Variants in ZFAND4 observed in about 807,000 individuals in gnomAD.
ZFAND4 encodes zinc finger AN1-type containing 4, also known as AN1-type zinc finger protein 4.
Under a neutral mutation model 64.4 loss-of-function variants are expected in ZFAND4, and 43 were observed. That is an observed-to-expected ratio of 0.67 (90% CI 0.52 to 0.86). The LOEUF (loss-of-function observed/expected upper bound fraction) is 0.86. ZFAND4 is among the 40% of genes least tolerant of loss of function. ZFAND4 has a pLI of 0.00. For missense variants in ZFAND4, 929 were observed against 859.8 expected (o/e 1.08, Z -1.01); for synonymous variants, 296 against 305.7 (o/e 0.97, Z 0.33).
At chr10:45,625,176 CAA>C (rs71023137) in intron 7 of ZFAND4, among the ~76,000 whole-genome samples, 36 of 103,882 alleles carry the variant, frequency 3.5e-4, no homozygotes, top group Admixed American at 4.1e-4. Context: ...GACCCTGTCT[CAA>C]AAAAAAAAAA....
At chr10:45,630,322 G>C (rs1033541797) in intron 6 of ZFAND4, among the ~76,000 whole-genome samples, 1 of 152,130 alleles carries the variant, frequency 6.6e-6, no homozygotes, top group African/African-American at 2.4e-5. Context: ...CGAAATGAGA[G>C]CTGAGCAAAC....
rs578161915 is a variant in ZFAND4 at position 45,644,467 on chromosome 10, T to C, written c.569+3827A>G. Among the ~76,000 whole-genome samples, 108 of 152,202 alleles carry C rather than the reference T, an allele frequency of 7.1e-4. 1 individual carries two copies. Among genetic ancestry groups the C allele is most frequent in the Non-Finnish European group, 1.2e-3 (84 of 68,016 alleles). ...AATATCTCATCACAGCAGAATTTCT[T>C]TACACAAATAAAAAATGAAAATGAA... On this transcript the variant is annotated intron_variant, in intron 5 of 9. Coordinates refer to ENST00000344646, the MANE Select transcript of ZFAND4 (RefSeq NM_174890.4).
chr10:45,640,060 G>A (rs962207978), intron 5 of ZFAND4, 97 bp from the exon 6 acceptor site: 1 of 1,374,046 alleles, frequency 7.3e-7, no homozygotes, highest in African/African-American at 1.5e-5. Context: ...AGTTACTAAT[G>A]ATAAAACACT....
At position 45,618,156 on chromosome 10, in the gene ZFAND4, T is replaced by G; in HGVS notation, c.2032A>C (p.Ser678Arg). Residue 678 changes from serine (S) to arginine (R), a missense_variant, in exon 9 of 10, where the codon AGT becomes CGT. Coordinates refer to ENST00000344646, the MANE Select transcript of ZFAND4 (RefSeq NM_174890.4). ...FLCGKKTGLA[S>R]SYECRCGNNF... ...CCAACCTGCCTGCATTCGTAGCTAC[T>G]AGCCAGTCCTGTTTTCTTTCCACAA... 1.9e-6 allele frequency: 3 copies of G among 1,611,396 alleles called. No individual in the cohort carries two copies. The highest frequency in any genetic ancestry group is 4.5e-5 in the East Asian group (2 of 44,730).
chr10:45,661,581 C>T (rs540761500), intron 2 of ZFAND4, among the ~76,000 whole-genome samples: 5 of 152,182 alleles, frequency 3.3e-5, no homozygotes, highest in Non-Finnish European at 5.9e-5. Context: ...GAGAATCTGA[C>T]TCACACCATG....
chr10:45,617,245 A>G (rs1380303472), intron 9 of ZFAND4, among the ~76,000 whole-genome samples: 1 of 152,142 alleles, frequency 6.6e-6, no homozygotes. Context: ...TAAAATAGTA[A>G]AACCTAACTA....
Position 45,663,585 on chromosome 10 carries a change from A to G in ZFAND4, c.141T>C (p.Phe47=). 1 of 1,606,230 alleles carries G rather than the reference A, an allele frequency of 6.2e-7. No homozygotes were observed. The highest frequency in any genetic ancestry group is 2.2e-5 in the East Asian group (1 of 44,618). The part of the protein sequence containing the change: ...GTCFELRVSP[F]ETVISVKAKI... ...TTGCTTTCACAGAAATAACAGTTTC[A>G]AAAGGTGAAACTCTCAGCTCAAAAC... The change falls in exon 2 of 10, where the codon TTT becomes TTC. Residue 47 remains phenylalanine (F), a synonymous_variant. Coordinates refer to ENST00000344646, the MANE Select transcript of ZFAND4 (RefSeq NM_174890.4).
At chr10:45,630,241 A>AT (rs2046112128) in intron 6 of ZFAND4, among the ~76,000 whole-genome samples, 1 of 152,188 alleles carries the variant, frequency 6.6e-6, no homozygotes, top group South Asian at 2.1e-4. Flanking sequence ...ATTTGCAGAT[A>AT]TTTTTTAAAA....
chr10:45,658,586 T>C (rs974949658), intron 2 of ZFAND4, among the ~76,000 whole-genome samples: 7 of 152,236 alleles, frequency 4.6e-5, no homozygotes, highest in Non-Finnish European at 8.8e-5. Context: ...TCAGTATTAT[T>C]AGTTAGCAAA....
chr10:45,625,993 A>T lies in ZFAND4; in HGVS notation c.1830T>A (p.Phe610Leu). ...TNLQHFQEENFRKSSPQLEHT... is the reference protein window; with the variant it reads ...TNLQHFQEENLRKSSPQLEHT... ...GTTCTAACTGGGGAGAACTTTTCCTAAAGTTTTCTTCCTGAAAATGCTGGA... is the reference window on the plus strand; with the variant it reads ...GTTCTAACTGGGGAGAACTTTTCCTTAAGTTTTCTTCCTGAAAATGCTGGA... The change falls in exon 7 of 10, where the codon TTT (phenylalanine) becomes TTA (leucine). Residue 610 changes from phenylalanine (F) to leucine (L), a missense_variant. Physicochemically the swap from Phe to Leu is conservative, Grantham distance 22. Coordinates refer to ENST00000344646, the MANE Select transcript of ZFAND4 (RefSeq NM_174890.4). 6.2e-7 allele frequency: 1 copy of T among 1,614,180 alleles called. No individual in the cohort carries two copies. Among genetic ancestry groups the T allele is most frequent in the Non-Finnish European group, 8.5e-7 (1 of 1,180,036 alleles).
chr10:45,663,564 T>C lies in ZFAND4; in HGVS notation c.162A>G (p.Lys54=), dbSNP rs41314982. The C allele has an allele frequency of 2.1e-4, 330 of 1,591,952 alleles. No homozygotes were observed. The highest frequency in any genetic ancestry group is 2.8e-4 in the Non-Finnish European group (328 of 1,174,198). The change falls in exon 2 of 10, where the codon AAA becomes AAG. Residue 54 remains lysine (K), a synonymous_variant. Coordinates refer to ENST00000344646, the MANE Select transcript of ZFAND4 (RefSeq NM_174890.4). ...TACCTTCCAATCTTCGAATTTTTGC[T>C]TTCACAGAAATAACAGTTTCAAAAG... is the stretch of plus-strand genomic sequence containing the variant. ...VSPFETVISV[K]AKIRRLEGIP...
At chr10:45,646,662 A>G (rs1325692473) in intron 5 of ZFAND4, among the ~76,000 whole-genome samples, 1 of 152,128 alleles carries the variant, frequency 6.6e-6, no homozygotes, top group East Asian at 1.9e-4. Flanking sequence ...TAATGAGAAG[A>G]CCTGGAAAAC....
rs1184505908 is a variant in ZFAND4 at position 45,626,615 on chromosome 10, G to A, written c.1208C>T (p.Ser403Leu). ...SLLPKVGSLASFAEGNADEQS... is the reference protein window; with the variant it reads ...SLLPKVGSLALFAEGNADEQS... ...TTCATCAGCATTTCCTTCTGCAAAT[G>A]AAGCCAGTGAGCCCACTTTAGGTAG... The change falls in exon 7 of 10, where the codon TCA becomes TTA. Residue 403 changes from serine to leucine, a missense_variant. Physicochemically the swap from Ser to Leu is moderately radical, Grantham distance 145. Coordinates refer to ENST00000344646, the MANE Select transcript of ZFAND4 (RefSeq NM_174890.4). 1 of 1,614,090 alleles carries A rather than the reference G, an allele frequency of 6.2e-7. No homozygotes were observed. The highest frequency in any genetic ancestry group is 8.5e-7 in the Non-Finnish European group (1 of 1,180,048).
At chr10:45,647,792 A>G (rs2047488228) in intron 5 of ZFAND4, among the ~76,000 whole-genome samples, 2 of 152,318 alleles carry the variant, frequency 1.3e-5, no homozygotes, top group East Asian at 3.9e-4. Context: ...TAAAAAAATC[A>G]TAGTAACTCA....
chr10:45,645,872 C>T (rs1021333131), intron 5 of ZFAND4, among the ~76,000 whole-genome samples: 8 of 151,984 alleles, frequency 5.3e-5, no homozygotes, highest in Non-Finnish European at 7.4e-5. Context: ...CCAGGGCAAA[C>T]ACCAAGAGAA....
At position 45,627,038 on chromosome 10, in the gene ZFAND4, G is replaced by A. The variant is rs372221594; in HGVS notation, c.785C>T (p.Ala262Val). 3.7e-6 allele frequency: 6 copies of A among 1,601,598 alleles called. No individual in the cohort carries two copies. Among genetic ancestry groups the A allele is most frequent in the Admixed American group, 1.7e-5 (1 of 59,224 alleles). The change falls in exon 7 of 10, where the codon GCA (alanine) becomes GTA (valine). Residue 262 changes from alanine to valine, a missense_variant. Coordinates refer to ENST00000344646, the MANE Select transcript of ZFAND4 (RefSeq NM_174890.4). ...CCTTAACAATCGGTGGCGAGATGGT[G>A]CAGTGGAACCACTAGAAGGTCGAGG... Reference protein sequence around the residue: ...VAPRPSSGSTAPSRHRLLRVL... With the variant: ...VAPRPSSGSTVPSRHRLLRVL...
chr10:45,630,696 A>G (rs1386377831), intron 6 of ZFAND4, among the ~76,000 whole-genome samples: 2 of 152,198 alleles, frequency 1.3e-5, no homozygotes, highest in Non-Finnish European at 2.9e-5. Context: ...ACTGCACTCC[A>G]GCCTGGGCGA....
intron 2 of ZFAND4, among the ~76,000 whole-genome samples, chr10:45,654,232 C>T (rs1024037123): frequency 2.6e-5 from 4 of 152,114 alleles, no homozygotes; most frequent in African/African-American, 9.7e-5. Context: ...TCCTGGGTGA[C>T]AGGATAATTC....
chr10:45,643,669 C>CAAAA (rs755281191), intron 5 of ZFAND4, among the ~76,000 whole-genome samples: 2 of 56,052 alleles, frequency 3.6e-5, no homozygotes, highest in African/African-American at 1.2e-4. Context: ...GACTCCATCT[C>CAAAA]AAAAAAAAAA....
Sources: allele counts gnomAD v4.1 joint callset (sites outside exome capture counted in the v4.1 genomes callset), GRCh38; gene constraint gnomAD v4.1.1; transcripts MANE v1.5; gene names NCBI Gene and HGNC (gene_info 2026-07-23, HGNC 2026-07-21).